Variants in APOB observed in about 807,000 individuals in gnomAD.
APOB encodes apolipoprotein B-100.
A neutral mutation model predicts 314.1 loss-of-function variants in APOB; 153 were observed. That is an observed-to-expected ratio of 0.49 (90% confidence interval 0.43 to 0.56). APOB has a LOEUF of 0.56. Ranked by LOEUF, APOB falls within the 20% of genes least tolerant of loss-of-function variation. APOB has a pLI of 0.00. For synonymous variants in APOB, 2,087 were observed against 2,036.4 expected (o/e 1.02, Z -0.67); for missense variants, 5,430 against 5,350.7 (o/e 1.01, Z -0.46).
Position 21,043,887 on chromosome 2 carries a change from A to T in APOB, c.59T>A (p.Leu20Gln). The T allele has an allele frequency of 2.0e-6, 3 of 1,476,430 alleles. No individual in the cohort carries two copies. Among genetic ancestry groups the T allele is most frequent in the Non-Finnish European group, 2.7e-6 (3 of 1,120,022 alleles). The allele number at this position is 1,476,430 out of a possible 1,614,324, so 91.5% of individuals were successfully genotyped here. ...ALLALPALLL[L>Q]LLAGARAEEE... The stretch of plus-strand genomic sequence containing the variant: ...ACCGGCCCTGGCGCCCGCCAGCAGC[A>T]GCAGCAGCAGCGCAGGCAGCGCCAG... The change falls in exon 1 of 29, where the codon CTG becomes CAG. Residue 20 changes from leucine to glutamine, a missense_variant. Leu to Gln is a moderately radical substitution (Grantham distance 113). Coordinates refer to ENST00000233242, the MANE Select transcript of APOB (RefSeq NM_000384.3).
intron 21 of APOB, 68 bp downstream of exon 21, chr2:21,016,371 G>A (rs1406636711): frequency 3.6e-6 from 3 of 837,840 alleles, no homozygotes; most frequent in Non-Finnish European, 4.2e-6. Context: ...GTATGAAGTG[G>A]AAGAGGAATA....
Position 21,012,161 on chromosome 2 carries a change from A to G in APOB, c.4707T>C (p.Thr1569=). 6.2e-7 allele frequency: 1 copy of G among 1,601,500 alleles called. No homozygotes were observed. Among genetic ancestry groups the G allele is most frequent in the Non-Finnish European group, 8.5e-7 (1 of 1,173,014 alleles). The change falls in exon 26 of 29, where the codon ACT becomes ACC. Residue 1569 remains threonine, a synonymous_variant. Coordinates refer to ENST00000233242, the MANE Select transcript of APOB (RefSeq NM_000384.3). ...ASLKYENYEL[T]LKSDTNGKYK... ...ACTTCCCATTGGTGTCAGATTTTAA[A>G]GTCAGCTCGTAGTTCTCATACTTTA...
intron 4 of APOB, 97 bp downstream of exon 4, chr2:21,040,841 A>T: frequency 7.2e-7 from 1 of 1,393,468 alleles, no homozygotes; most frequent in Non-Finnish European, 1.0e-6. Context: ...TACGGAATAC[A>T]AATACTTACA....
chr2:21,034,481 A>C lies in APOB; in HGVS notation c.904+335T>G, dbSNP rs914990261. 6.6e-5 allele frequency among the ~76,000 whole-genome samples: 10 copies of C among 152,168 alleles called. No homozygotes were observed. In the South Asian group the frequency reaches 2.1e-3, roughly 32 times the overall value. ...GAGGTTACTATCTGGCCAGACTCTG[A>C]AGGTTCTCTCCCACTTGGTCCACCT... On this transcript the variant is annotated intron_variant, in intron 8 of 28. Transcript: ENST00000233242.
chr2:21,033,339 C>T lies in APOB; in HGVS notation c.1084G>A (p.Ala362Thr), dbSNP rs781029628. The T allele has an allele frequency of 1.2e-6, 2 of 1,614,182 alleles. No homozygotes were observed. Among genetic ancestry groups the T allele is most frequent in the Non-Finnish European group, 1.7e-6 (2 of 1,180,020 alleles). The change falls in exon 9 of 29, where the codon GCA (alanine) becomes ACA (threonine). Residue 362 changes from alanine to threonine, a missense_variant. This residue lies in a region of APOB where 2,085 missense variants were observed against 2,079.7 expected (regional missense o/e 1.00). Transcript: ENST00000233242. Reference protein sequence around the residue: ...VTELRGLSDEAVTSLLPQLIE... With the variant: ...VTELRGLSDETVTSLLPQLIE... ...AGCTGTGGCAAGAGAGATGTGACTG[C>T]TTCATCACTGAGGCCTCTCAGCTCA... is the stretch of plus-strand genomic sequence containing the variant.
chr2:21,004,183 T>G, intron 28 of APOB, 86 bp downstream of exon 28: 1 of 1,449,742 alleles, frequency 6.9e-7, no homozygotes, highest in Non-Finnish European at 9.6e-7. Flanking sequence ...TTGGGGAATC[T>G]CTGAATATTT....
At position 21,024,969 on chromosome 2, in the gene APOB, C is replaced by T; in HGVS notation, c.2400G>A (p.Leu800=). The change falls in exon 16 of 29, where the codon CTG becomes CTA. Residue 800 remains leucine (L), a synonymous_variant. Coordinates refer to ENST00000233242, the MANE Select transcript of APOB (RefSeq NM_000384.3). The part of the protein sequence containing the change: ...HDLQLLGKLL[L]MGARTLQGIP... ...TCCCCTGCAGAGTGCGGGCACCCAT[C>T]AGAAGCAGCTTTCCCAGGAGCTGGA... The T allele has an allele frequency of 6.2e-7, 1 of 1,614,152 alleles. No individual in the cohort carries two copies. The highest frequency in any genetic ancestry group is 8.5e-7 in the Non-Finnish European group (1 of 1,180,016).
Position 21,019,807 on chromosome 2 carries a change from C to T in APOB, c.2915G>A (p.Gly972Asp). Residue 972 changes from glycine (G) to aspartate (D), a missense_variant, in exon 19 of 29, where the codon GGC becomes GAC. By Grantham distance (94) the Gly-to-Asp change is moderately conservative. Transcript: ENST00000233242. ...AGCGCCTGAGGTGCAGTAATTCAGG[C>T]CAGGAAAGACTTGCTTGCAAACTGA... ...SWSVCKQVFP[G>D]LNYCTSGAYS... 6.2e-7 allele frequency: 1 copy of T among 1,614,086 alleles called. No individual in the cohort carries two copies.
chr2:21,016,336 C>T (rs1244520984), intron 21 of APOB, 103 bp downstream of exon 21: 1 of 714,590 alleles, frequency 1.4e-6, no homozygotes, highest in East Asian at 2.6e-5. Flanking sequence ...TGATTGTAGA[C>T]TAGGGGAGAA....
Position 21,009,436 on chromosome 2 carries a change from C to T in APOB, c.7432G>A (p.Ala2478Thr). 1 of 1,614,006 alleles carries T rather than the reference C, an allele frequency of 6.2e-7. No individual in the cohort carries two copies. Among genetic ancestry groups the T allele is most frequent in the Non-Finnish European group, 8.5e-7 (1 of 1,179,972 alleles). Residue 2478 changes from alanine to threonine, a missense_variant, in exon 26 of 29, where the codon GCA becomes ACA. Transcript: ENST00000233242. ...LFLEETKATV[A>T]VYLESLQDTK... Reference sequence around the variant, plus strand: ...TCCTGTAGGCTTTCCAGATACACTGCAACTGTGGCCTTGGTTTCCTCTAAA... The same window carrying T: ...TCCTGTAGGCTTTCCAGATACACTGTAACTGTGGCCTTGGTTTCCTCTAAA...
At position 21,006,282 on chromosome 2, in the gene APOB, G is replaced by A; in HGVS notation, c.10586C>T (p.Ser3529Leu). ...TTTGGAAGTGCCCTGCAGCTTCACT[G>A]AAGACCGTGTGCTCTTGGAATTCAA... is the stretch of plus-strand genomic sequence containing the variant. ...TYLNSKSTRSSVKLQGTSKID... is the reference protein window; with the variant it reads ...TYLNSKSTRSLVKLQGTSKID... Residue 3529 changes from serine (S) to leucine (L), a missense_variant, in exon 26 of 29, where the codon TCA becomes TTA. Transcript: ENST00000233242. 1 of 1,614,064 alleles carries A rather than the reference G, an allele frequency of 6.2e-7. No individual in the cohort carries two copies. The highest frequency in any genetic ancestry group is 8.5e-7 in the Non-Finnish European group (1 of 1,179,980).
rs773390117 is a variant in APOB, at chr2:21,005,556, T to C, written c.11312A>G (p.Tyr3771Cys). 1.1e-5 allele frequency: 18 copies of C among 1,614,094 alleles called. No individual in the cohort carries two copies. Among genetic ancestry groups the C allele is most frequent in the Admixed American group, 1.7e-5 (1 of 60,020 alleles). Reference sequence around the variant, plus strand: ...AAATGATGAAGTTCTCAGCTTCTTATAGATTTGTATTTCTCTGAAGTCAAG... The same window carrying C: ...AAATGATGAAGTTCTCAGCTTCTTACAGATTTGTATTTCTCTGAAGTCAAG... ...CKLDFREIQIYKKLRTSSFAL... is the reference protein window; with the variant it reads ...CKLDFREIQICKKLRTSSFAL... Residue 3771 changes from tyrosine to cysteine, a missense_variant, in exon 26 of 29, where the codon TAT becomes TGT. By Grantham distance (194) the Tyr-to-Cys change is radical (BLOSUM62 -2). This residue lies in a region of APOB where 3,281 missense variants were observed against 3,171.0 expected (regional missense o/e 1.03). Transcript: ENST00000233242.
Position 21,007,130 on chromosome 2 carries a change from A to C in APOB, c.9738T>G (p.Phe3246Leu), listed in dbSNP as rs368703055. The C allele has an allele frequency of 4.7e-5, 76 of 1,613,914 alleles. No homozygotes were observed. Among genetic ancestry groups the C allele is most frequent in the Non-Finnish European group, 6.4e-5 (75 of 1,179,958 alleles). ...CTGGAACAGTGTATCCAGGAATTTG[A>C]AAGGTCCTGGGGAGCTCGTCGTGAG... ...EKSHDELPRTFQIPGYTVPVV... is the reference protein window; with the variant it reads ...EKSHDELPRTLQIPGYTVPVV... Residue 3246 changes from phenylalanine to leucine, a missense_variant, in exon 26 of 29, where the codon TTT becomes TTG. By Grantham distance (22) the Phe-to-Leu change is conservative. Coordinates refer to ENST00000233242, the MANE Select transcript of APOB (RefSeq NM_000384.3).
chr2:21,023,459 T>C, intron 17 of APOB, 66 bp downstream of exon 17: 1 of 1,566,392 alleles, frequency 6.4e-7, no homozygotes, highest in Non-Finnish European at 8.8e-7. Flanking sequence ...TAAATATGTT[T>C]TAACAAGAAA....
At position 21,035,566 on chromosome 2, in the gene APOB, G is replaced by T. The variant is rs759735209; in HGVS notation, c.818+18C>A. On this transcript the variant is annotated intron_variant, in intron 7 of 28. Transcript: ENST00000233242. ...TGACCCATTAAATGACAAATCAGGGGTGCATCACATGACCTACTTGTAGGA... is the reference window on the plus strand; with the variant it reads ...TGACCCATTAAATGACAAATCAGGGTTGCATCACATGACCTACTTGTAGGA... The T allele has an allele frequency of 6.2e-7, 1 of 1,613,816 alleles. No homozygotes were observed. Among genetic ancestry groups the T allele is most frequent in the Non-Finnish European group, 8.5e-7 (1 of 1,179,972 alleles).
Position 21,025,111 on chromosome 2 carries a change from C to T in APOB, c.2258G>A (p.Gly753Glu), listed in dbSNP as rs148502464. The change falls in exon 16 of 29, where the codon GGA (glycine) becomes GAA (glutamate). Residue 753 changes from glycine to glutamate, a missense_variant. By Grantham distance (98) the Gly-to-Glu change is moderately conservative. Around this residue, in one of 3 missense-constraint regions of APOB, gnomAD observed 2,085 missense variants for 2,079.7 expected, o/e 1.00. Transcript: ENST00000233242. ...DDKHEQDMVNGIMLSVEKLIK... is the reference protein window; with the variant it reads ...DDKHEQDMVNEIMLSVEKLIK... Reference sequence around the variant, plus strand: ...CAGCTTCTCAACACTGAGCATTATTCCATTTACCATATCCTGAGAGTTTAG... The same window carrying T: ...CAGCTTCTCAACACTGAGCATTATTTCATTTACCATATCCTGAGAGTTTAG... 1.4e-4 allele frequency: 228 copies of T among 1,614,112 alleles called. No homozygotes were observed. The highest frequency in any genetic ancestry group is 3.7e-4 in the Admixed American group (22 of 60,030).
intron 21 of APOB, 56 bp from the exon 22 acceptor site, chr2:21,015,601 G>A (rs959214245): frequency 1.5e-5 from 24 of 1,569,902 alleles, no homozygotes; most frequent in African/African-American, 8.1e-5. Context: ...ATGGAGATAT[G>A]CAGGATTAAA....
rs12720819 is a variant in APOB at position 21,016,847 on chromosome 2, G to A, written c.3122-198C>T. On this transcript the variant is annotated intron_variant, in intron 20 of 28. Transcript: ENST00000233242. ...AAAATACAAAAAATTAGCCGGGCGC[G>A]TTGGTGGGTGCCTGTAGTCCCAGCT... 6.9e-3 allele frequency among the ~76,000 whole-genome samples: 1,048 copies of A among 152,050 alleles called. 11 individuals carry two copies. The highest frequency in any genetic ancestry group is 0.023 in the African/African-American group (933 of 41,456).
Position 21,007,038 on chromosome 2 carries a change from G to A in APOB, c.9830C>T (p.Ala3277Val), listed in dbSNP as rs907962079. The A allele has an allele frequency of 6.2e-6, 10 of 1,613,956 alleles. No homozygotes were observed. The African/African-American group carries it at 1.2e-4, about 19-fold the overall frequency. Residue 3277 changes from alanine to valine, a missense_variant, in exon 26 of 29, where the codon GCA (alanine) becomes GTA (valine). Transcript: ENST00000233242. ...MSAFGYVFPK[A>V]VSMPSFSILG... ...GATGGAGAAACTAGGCATGCTGACT[G>A]CTTTTGGGAACACATAGCCGAATGC...
Sources: allele counts gnomAD v4.1 joint callset (sites outside exome capture counted in the v4.1 genomes callset), GRCh38; gene constraint gnomAD v4.1.1; regional missense constraint gnomAD v4.1.1; transcripts MANE v1.5; gene names NCBI Gene and HGNC (gene_info 2026-07-23, HGNC 2026-07-21).